The following EPHA5 variants were observed in gnomAD, a reference collection of about 807,000 sequenced individuals.
The protein encoded by EPHA5 is EPH receptor A5.
In EPHA5, 60 loss-of-function variants were observed where a neutral mutation model predicts 105.0. That is an observed-to-expected ratio of 0.57 (90% CI 0.46 to 0.71). The LOEUF (loss-of-function observed/expected upper bound fraction) is 0.71. EPHA5 is among the 30% of genes least tolerant of loss of function. The pLI, the probability that EPHA5 is intolerant of heterozygous loss-of-function variation, is 0.00. For synonymous variants in EPHA5, 513 were observed against 449.1 expected (o/e 1.14, Z -1.80); for missense variants, 1,218 against 1,274.7 (o/e 0.96, Z 0.68).
rs2148776766 is a variant in EPHA5, at chr4:65,324,182, G to C, written c.2983C>G (p.Gln995Glu). Reference protein sequence around the residue: ...RRLGVTLVGHQKKIMNSLQEM... With the variant: ...RRLGVTLVGHEKKIMNSLQEM... ...TGAAGGCTGTTCATGATCTTCTTCT[G>C]GTGACCGACAAGAGTCACTCCAAGC... is the stretch of plus-strand genomic sequence containing the variant. The change falls in exon 17 of 17, where the codon CAG becomes GAG. Residue 995 changes from glutamine (Q) to glutamate (E), a missense_variant. Transcript: ENST00000613740. 1 of 1,609,344 alleles carries C rather than the reference G, an allele frequency of 6.2e-7. No homozygotes were observed. Among genetic ancestry groups the C allele is most frequent in the Non-Finnish European group, 8.5e-7 (1 of 1,176,964 alleles).
intron 5 of EPHA5, among the ~76,000 whole-genome samples, chr4:65,442,727 T>G (rs1446626077): frequency 6.6e-6 from 1 of 152,218 alleles, no homozygotes; most frequent in Non-Finnish European, 1.5e-5. Flanking sequence ...AAATTACATA[T>G]GCCCACCACA....
chr4:65,603,193 A>G (rs1743910618), intron 2 of EPHA5, among the ~76,000 whole-genome samples: 1 of 152,142 alleles, frequency 6.6e-6, no homozygotes, highest in Non-Finnish European at 1.5e-5. Context: ...TATTTGGCCA[A>G]AGAAGAGTTC....
intron 3 of EPHA5, among the ~76,000 whole-genome samples, chr4:65,500,677 C>A (rs1180459607): frequency 1.3e-5 from 2 of 150,712 alleles, no homozygotes; most frequent in Non-Finnish European, 1.5e-5. Context: ...ATATTCACTT[C>A]ATAATTCAAA....
chr4:65,443,376 T>G (rs1421547458), intron 5 of EPHA5, among the ~76,000 whole-genome samples: 2 of 151,698 alleles, frequency 1.3e-5, no homozygotes, highest in Admixed American at 1.3e-4. Context: ...ATACTAGATA[T>G]TTCAACAGAG....
intron 5 of EPHA5, among the ~76,000 whole-genome samples, chr4:65,475,588 T>C (rs1242728478): frequency 6.6e-6 from 1 of 152,110 alleles, no homozygotes; most frequent in Non-Finnish European, 1.5e-5. Context: ...AACCTCAGCA[T>C]GAGGTTTTAA....
intron 8 of EPHA5, among the ~76,000 whole-genome samples, chr4:65,402,199 T>A (rs986838756): frequency 6.6e-6 from 1 of 152,104 alleles, no homozygotes; most frequent in Non-Finnish European, 1.5e-5. Context: ...CCTCCATGAT[T>A]ATGAGTTTCC....
intron 6 of EPHA5, among the ~76,000 whole-genome samples, chr4:65,415,492 A>G (rs564459975): frequency 4.6e-5 from 7 of 152,026 alleles, no homozygotes; most frequent in Non-Finnish European, 8.8e-5. Flanking sequence ...TTTCTTTTAA[A>G]GCAATTTACC....
At chr4:65,463,682 C>CA (rs890271260) in intron 5 of EPHA5, among the ~76,000 whole-genome samples, 15 of 151,612 alleles carry the variant, frequency 9.9e-5, no homozygotes, top group Admixed American at 3.3e-4. Context: ...ATTCAGATGT[C>CA]AAAAAAAATA....
intron 3 of EPHA5, among the ~76,000 whole-genome samples, chr4:65,541,468 A>G (rs867923776): frequency 6.6e-6 from 1 of 152,116 alleles, no homozygotes; most frequent in Non-Finnish European, 1.5e-5. Flanking sequence ...CTGACAAAAC[A>G]GACTTTAAAC....
At chr4:65,562,058 G>T (rs189033499) in intron 3 of EPHA5, among the ~76,000 whole-genome samples, 2 of 152,092 alleles carry the variant, frequency 1.3e-5, no homozygotes, top group Admixed American at 1.3e-4. Flanking sequence ...GAATATCACA[G>T]AGCTCTTGAT....
chr4:65,625,186 A>G (rs769851175), intron 2 of EPHA5, among the ~76,000 whole-genome samples: 1 of 152,182 alleles, frequency 6.6e-6, no homozygotes, highest in Non-Finnish European at 1.5e-5. Context: ...ATATAAAAAT[A>G]TAGAGAGCTA....
intron 5 of EPHA5, among the ~76,000 whole-genome samples, chr4:65,473,103 T>C (rs1180865752): frequency 6.6e-6 from 1 of 152,166 alleles, no homozygotes; most frequent in African/African-American, 2.4e-5. Context: ...TGACCTTTTC[T>C]CCAGTTCCCA....
In EPHA5 at chr4:65,462,010, A is replaced by C. The variant is rs138376946; in HGVS notation, c.1402+28367T>G. On this transcript the variant is annotated intron_variant, in intron 5 of 16. Transcript: ENST00000613740. ...GAAATCAAGCATATGCACACATTAG[A>C]TTATAAAGAGATAGTAGACAGATTG... Among the ~76,000 whole-genome samples the C allele has an allele frequency of 4.4e-4, 67 of 152,248 alleles. No homozygotes were observed. The East Asian group carries it at 0.013, about 29-fold the overall frequency.
chr4:65,383,101 A>C (rs10015143), intron 8 of EPHA5, among the ~76,000 whole-genome samples: 7 of 149,708 alleles, frequency 4.7e-5, no homozygotes, highest in African/African-American at 1.7e-4. Context: ...CTTATGCATA[A>C]AAAGTATTAA....
Position 65,595,412 on chromosome 4 carries a change from G to C in EPHA5, c.910+6229C>G, listed in dbSNP as rs1246054714. Among the ~76,000 whole-genome samples the C allele has an allele frequency of 2.0e-5, 3 of 151,926 alleles. No homozygotes were observed. The East Asian group carries it at 5.8e-4, about 29-fold the overall frequency. ...TACTTCTAACAAAATTTTTATAAAG[G>C]AAGTTCTATAAAACGTACATAGTTT... On this transcript the variant is annotated intron_variant, in intron 3 of 16. Transcript: ENST00000613740.
intron 2 of EPHA5, among the ~76,000 whole-genome samples, chr4:65,609,824 G>T (rs750439685): frequency 3.7e-4 from 56 of 151,458 alleles, no homozygotes; most frequent in Non-Finnish European, 7.1e-4. Context: ...ATCAAGAAAA[G>T]TATTTCTTAG....
At chr4:65,618,007 G>A (rs530915997) in intron 2 of EPHA5, among the ~76,000 whole-genome samples, 17 of 152,176 alleles carry the variant, frequency 1.1e-4, no homozygotes, top group African/African-American at 3.9e-4. Flanking sequence ...GATCTAACCA[G>A]TATTTTTCTT....
At chr4:65,629,845 C>T (rs1256900702) in intron 2 of EPHA5, among the ~76,000 whole-genome samples, 1 of 152,106 alleles carries the variant, frequency 6.6e-6, no homozygotes, top group Non-Finnish European at 1.5e-5. Context: ...CCAAGTGGAG[C>T]CCATTACAAT....
At chr4:65,641,150 T>A (rs547930131) in intron 2 of EPHA5, among the ~76,000 whole-genome samples, 1 of 151,988 alleles carries the variant, frequency 6.6e-6, no homozygotes, top group African/African-American at 2.4e-5. Context: ...CTGGGAAGAG[T>A]CTCCTACTTC....
Sources: allele counts gnomAD v4.1 joint callset (sites outside exome capture counted in the v4.1 genomes callset), GRCh38; gene constraint gnomAD v4.1.1; transcripts MANE v1.5; gene names NCBI Gene and HGNC (gene_info 2026-07-23, HGNC 2026-07-21).